Variants in CTNNA1 observed in about 807,000 individuals in gnomAD.
The protein encoded by CTNNA1 is catenin alpha 1.
Under a neutral mutation model 98.4 loss-of-function variants are expected in CTNNA1, and 37 were observed. The observed-to-expected ratio is 0.38, with a 90% confidence interval of 0.29 to 0.49. The LOEUF (loss-of-function observed/expected upper bound fraction) is 0.49, where lower values mean the gene tolerates loss of function less well. CTNNA1 is among the 20% of genes least tolerant of loss of function. The probability of loss-of-function intolerance (pLI) is 0.95; values close to 1 mark genes in which losing one functional copy is unlikely to be tolerated. For synonymous variants in CTNNA1, 404 were observed against 413.2 expected (o/e 0.98, Z 0.27); for missense variants, 761 against 1,147.2 (o/e 0.66, Z 4.86).
intron 11 of CTNNA1, among the ~76,000 whole-genome samples, chr5:138,919,688 C>T (rs1762508266): frequency 6.6e-6 from 1 of 152,120 alleles, no homozygotes; most frequent in Non-Finnish European, 1.5e-5. Context: ...AATCATGGAA[C>T]AATTCTTTCA....
chr5:138,875,666 A>T (rs376249960), intron 7 of CTNNA1: 1 of 985,362 alleles, frequency 1.0e-6, no homozygotes, highest in Admixed American at 6.1e-5. Flanking sequence ...CCGATTCTGC[A>T]TAGAGAGATC....
intron 3 of CTNNA1, among the ~76,000 whole-genome samples, chr5:138,795,317 G>A (rs765154231): frequency 6.6e-6 from 1 of 151,992 alleles, no homozygotes; most frequent in Non-Finnish European, 1.5e-5. Flanking sequence ...AATTAGCTGG[G>A]CGTGTTGGCG....
intron 9 of CTNNA1, among the ~76,000 whole-genome samples, chr5:138,898,884 T>C (rs141618811): frequency 9.2e-5 from 14 of 152,314 alleles, no homozygotes; most frequent in Admixed American, 9.2e-4. Flanking sequence ...GATGAAAATA[T>C]CTTGGTTTTT....
At position 138,899,688 on chromosome 5, in the gene CTNNA1, C is replaced by A. The variant is rs562975688; in HGVS notation, c.1297-4661C>A. 2.0e-5 allele frequency among the ~76,000 whole-genome samples: 3 copies of A among 152,268 alleles called. No individual in the cohort carries two copies. In the South Asian group the frequency reaches 6.2e-4, roughly 32 times the overall value. On this transcript the variant is annotated intron_variant, in intron 9 of 17. Transcript: ENST00000302763. ...ATGAAATGGTGCCTCCCTGCAAAAC[C>A]CCCCACCACCCACCAGAGGAAACAC...
chr5:138,905,075 C>A (rs1186781909), intron 10 of CTNNA1, among the ~76,000 whole-genome samples: 2 of 130,144 alleles, frequency 1.5e-5, no homozygotes, highest in East Asian at 2.2e-4. Flanking sequence ...GCCTGGGCGA[C>A]AGAGCAAGAC....
intron 11 of CTNNA1, among the ~76,000 whole-genome samples, 160 bp downstream of exon 11, chr5:138,918,058 C>T (rs1215214648): frequency 1.3e-5 from 2 of 152,162 alleles, no homozygotes; most frequent in Non-Finnish European, 1.5e-5. Flanking sequence ...CTATCAGCTA[C>T]AGGGTTTTCA....
chr5:138,878,924 A>G (rs1752251994), intron 7 of CTNNA1, among the ~76,000 whole-genome samples: 1 of 152,108 alleles, frequency 6.6e-6, no homozygotes, highest in African/African-American at 2.4e-5. Flanking sequence ...TTTTAAAAAA[A>G]TGATAGCTGG....
intron 10 of CTNNA1, among the ~76,000 whole-genome samples, chr5:138,914,963 C>G (rs547376451): frequency 6.6e-6 from 1 of 151,964 alleles, no homozygotes; most frequent in Non-Finnish European, 1.5e-5. Context: ...CTGGCTAACA[C>G]GATAAAACCC....
intron 7 of CTNNA1, among the ~76,000 whole-genome samples, chr5:138,860,290 G>C (rs957316040): frequency 2.0e-5 from 3 of 152,154 alleles, no homozygotes; most frequent in African/African-American, 7.2e-5. Context: ...AGTTTGTCCT[G>C]TTCTTCATAA....
intron 7 of CTNNA1, chr5:138,875,739 G>A (rs1751349424): frequency 3.0e-6 from 3 of 984,906 alleles, no homozygotes; most frequent in Non-Finnish European, 3.6e-6. Flanking sequence ...CCTATGCAAG[G>A]TAGTGTCGCT....
chr5:138,770,908 C>T (rs1437842411), intron 1 of CTNNA1, among the ~76,000 whole-genome samples: 7 of 150,694 alleles, frequency 4.6e-5, no homozygotes, highest in Admixed American at 2.0e-4. Context: ...GCCGAGATTG[C>T]GCCACTGCAC....
chr5:138,921,723 C>A (rs1762954752), intron 11 of CTNNA1, among the ~76,000 whole-genome samples: 1 of 150,998 alleles, frequency 6.6e-6, no homozygotes, highest in South Asian at 2.1e-4. Context: ...GCCTGAGCCT[C>A]CTGAGTAGCT....
At chr5:138,761,726 T>C (rs1752400952) in intron 1 of CTNNA1, among the ~76,000 whole-genome samples, 2 of 152,200 alleles carry the variant, frequency 1.3e-5, no homozygotes, top group African/African-American at 4.8e-5. Flanking sequence ...ATCATTTTTT[T>C]CTCAAGTGAC....
rs1346510945 is a variant in CTNNA1 at position 138,934,236 on chromosome 5, C to CAAGAACATAGTTT, written c.*151_*163dup. On this transcript the variant is annotated 3_prime_UTR_variant, in exon 18 of 18. Transcript: ENST00000302763. ...GAACCAGTCCAGGTGGTGAATTTTC[C>CAAGAACATAGTTT]AAGAACATAGTTTAAGTTGATTAAA... The CAAGAACATAGTTT allele has an allele frequency of 6.5e-6, 4 of 616,516 alleles. No homozygotes were observed. Among genetic ancestry groups the CAAGAACATAGTTT allele is most frequent in the Non-Finnish European group, 1.1e-5 (4 of 359,534 alleles). 38.2% of individuals were successfully genotyped at this position (616,516 alleles called of 1,614,324 possible). A position where few individuals can be genotyped will look rare whatever the true frequency, so the allele number is the denominator to read the frequency against.
intron 6 of CTNNA1, among the ~76,000 whole-genome samples, chr5:138,825,424 G>A (rs1046017995): frequency 7.1e-6 from 1 of 141,556 alleles, no homozygotes; most frequent in Non-Finnish European, 1.5e-5. Context: ...GGTGGGTTAT[G>A]TGTTCTTAAT....
chr5:138,925,026 A>C (rs1231243621), intron 12 of CTNNA1, among the ~76,000 whole-genome samples: 1 of 152,242 alleles, frequency 6.6e-6, no homozygotes, highest in Non-Finnish European at 1.5e-5. Flanking sequence ...GCTTCAAGTT[A>C]GTCTCACTTC....
chr5:138,933,748 C>A, intron 17 of CTNNA1, 54 bp from the exon 18 acceptor site: 1 of 1,575,656 alleles, frequency 6.3e-7, no homozygotes, highest in Non-Finnish European at 8.6e-7. Context: ...CCACCTGTGT[C>A]CACGAGGCTG....
At chr5:138,843,941 T>C (rs932319292) in intron 7 of CTNNA1, among the ~76,000 whole-genome samples, 2 of 152,210 alleles carry the variant, frequency 1.3e-5, no homozygotes, top group African/African-American at 4.8e-5. Context: ...TTGGCTAAAT[T>C]AAAAGTAAGC....
intron 7 of CTNNA1, among the ~76,000 whole-genome samples, chr5:138,849,298 A>G (rs1762991323): frequency 6.6e-6 from 1 of 152,200 alleles, no homozygotes; most frequent in Admixed American, 6.5e-5. Flanking sequence ...GGAAAAAGCT[A>G]TTATGAATAG....
Sources: allele counts gnomAD v4.1 joint callset (sites outside exome capture counted in the v4.1 genomes callset), GRCh38; gene constraint gnomAD v4.1.1; transcripts MANE v1.5; gene names NCBI Gene and HGNC (gene_info 2026-07-23, HGNC 2026-07-21).